Variants in PTPN14 observed in about 807,000 individuals in gnomAD.
The protein encoded by PTPN14 is tyrosine-protein phosphatase non-receptor type 14.
PTPN14 carries 53 observed loss-of-function variants against 126.8 expected under a neutral mutation model. The ratio of observed to expected loss-of-function variants is 0.42; its 90% CI spans 0.34 to 0.53. The LOEUF is 0.53. PTPN14 is among the 20% of genes least tolerant of loss of function. The probability of loss-of-function intolerance (pLI) is 0.08; values close to 1 mark genes in which losing one functional copy is unlikely to be tolerated. For missense variants in PTPN14, 1,257 were observed against 1,552.9 expected (o/e 0.81, Z 3.20); for synonymous variants, 630 against 599.3 (o/e 1.05, Z -0.75).
Position 214,449,973 on chromosome 1 carries a change from T to C in PTPN14, c.344+1832A>G, listed in dbSNP as rs577638997. On this transcript the variant is annotated intron_variant, in intron 3 of 18. Coordinates refer to ENST00000366956, the MANE Select transcript of PTPN14 (RefSeq NM_005401.5). Reference sequence around the variant, plus strand: ...CAGCGAGACTTCATCTCTACAAAATTAGAAGAAAATTTAGCCAGGCTTGGT... The same window carrying C: ...CAGCGAGACTTCATCTCTACAAAATCAGAAGAAAATTTAGCCAGGCTTGGT... 2.6e-5 allele frequency among the ~76,000 whole-genome samples: 4 copies of C among 151,084 alleles called. No individual in the cohort carries two copies. The East Asian group carries it at 7.9e-4, about 30-fold the overall frequency.
intron 3 of PTPN14, among the ~76,000 whole-genome samples, chr1:214,422,333 C>A (rs1176872816): frequency 6.6e-6 from 1 of 152,136 alleles, no homozygotes; most frequent in Non-Finnish European, 1.5e-5. Context: ...CAGTCAGGGA[C>A]CAACAGCATT....
intron 2 of PTPN14, among the ~76,000 whole-genome samples, chr1:214,464,355 T>C (rs1442027295): frequency 3.3e-5 from 5 of 152,022 alleles, no homozygotes; most frequent in Non-Finnish European, 5.9e-5. Flanking sequence ...GGAGAGTCTC[T>C]CATTTTCAAC....
At position 214,364,693 on chromosome 1, in the gene PTPN14, A is replaced by G. The variant is rs1264940566; in HGVS notation, c.3272-18T>C. The G allele has an allele frequency of 1.2e-6, 2 of 1,603,898 alleles. No homozygotes were observed. Among genetic ancestry groups the G allele is most frequent in the Non-Finnish European group, 1.7e-6 (2 of 1,175,042 alleles). ...CAAGTAGGCTGCAGGACAAAATGCAAATTCTGTCACCAAAGTCCTCCATGG... is the reference window on the plus strand; with the variant it reads ...CAAGTAGGCTGCAGGACAAAATGCAGATTCTGTCACCAAAGTCCTCCATGG... On this transcript the variant is annotated intron_variant, in intron 17 of 18. Coordinates refer to ENST00000366956, the MANE Select transcript of PTPN14 (RefSeq NM_005401.5). The surrounding 1 kb of genome is among the most constrained non-coding windows in gnomAD (Gnocchi z 4.1).
intron 1 of PTPN14, among the ~76,000 whole-genome samples, chr1:214,494,550 A>G (rs1661318941): frequency 6.6e-6 from 1 of 152,226 alleles, no homozygotes; most frequent in Non-Finnish European, 1.5e-5. Context: ...AAGTTAGCCA[A>G]CTTTAACTTT....
chr1:214,477,252 T>A (rs947699629), intron 1 of PTPN14, among the ~76,000 whole-genome samples: 3 of 152,216 alleles, frequency 2.0e-5, no homozygotes, highest in African/African-American at 7.2e-5. Flanking sequence ...GTTAAAGAGT[T>A]GTATAATCCC....
intron 16 of PTPN14, among the ~76,000 whole-genome samples, chr1:214,371,716 T>C (rs1658222738): frequency 6.6e-6 from 1 of 152,120 alleles, no homozygotes; most frequent in South Asian, 2.1e-4. Flanking sequence ...TCTAGAAGCT[T>C]TAAGGAGGAT....
chr1:214,484,365 T>C (rs945083730), intron 1 of PTPN14, among the ~76,000 whole-genome samples: 2 of 152,212 alleles, frequency 1.3e-5, no homozygotes, highest in African/African-American at 4.8e-5. Context: ...GATCCTATGA[T>C]TGCATTACTG....
chr1:214,411,067 A>G (rs115875464), intron 5 of PTPN14, among the ~76,000 whole-genome samples: 2,606 of 152,298 alleles, frequency 0.017, 80 homozygotes, highest in African/African-American at 0.059. Context: ...TGATTCTTCC[A>G]ATCCACGAAG....
intron 1 of PTPN14, among the ~76,000 whole-genome samples, chr1:214,491,847 C>T (rs1661257952): frequency 6.6e-6 from 1 of 152,150 alleles, no homozygotes; most frequent in Admixed American, 6.5e-5. Context: ...AGCAAACGTC[C>T]ACCTGCTTCC....
intron 1 of PTPN14, chr1:214,533,078 G>C: frequency 1.4e-6 from 1 of 736,902 alleles, no homozygotes; most frequent in Non-Finnish European, 2.5e-6. Flanking sequence ...GAGCTGGGAC[G>C]TACGGTCCAG....
At chr1:214,452,239 G>C (rs936089214) in intron 2 of PTPN14, among the ~76,000 whole-genome samples, 31 of 152,216 alleles carry the variant, frequency 2.0e-4, no homozygotes, top group Non-Finnish European at 4.4e-5. Context: ...TGTGAGGTAA[G>C]GGGAGTCGCG....
rs773274066 is a variant in PTPN14 at position 214,402,926 on chromosome 1, C to T, written c.538G>A (p.Glu180Lys). 8.7e-6 allele frequency: 14 copies of T among 1,613,832 alleles called. No individual in the cohort carries two copies. Among genetic ancestry groups the T allele is most frequent in the Non-Finnish European group, 1.2e-5 (14 of 1,179,964 alleles). ...MDLALEEAVL[E>K]ELTQKVAQEH... is the part of the protein sequence containing the mutation. ...TGGGCTACCTTCTGGGTCAGCTCCT[C>T]CAGAACAGCCTCTTCCAGGGCCAAA... Residue 180 changes from glutamate (E) to lysine (K), a missense_variant, in exon 6 of 19, where the codon GAG becomes AAG. Transcript: ENST00000366956.
chr1:214,473,905 G>A (rs1205519542), intron 1 of PTPN14, among the ~76,000 whole-genome samples: 1 of 152,106 alleles, frequency 6.6e-6, no homozygotes, highest in African/African-American at 2.4e-5. Flanking sequence ...ATTATTTTTA[G>A]CCAAGTAAAG....
intron 1 of PTPN14, among the ~76,000 whole-genome samples, chr1:214,545,116 T>C (rs1030309896): frequency 2.0e-5 from 3 of 152,102 alleles, no homozygotes; most frequent in Non-Finnish European, 4.4e-5. Flanking sequence ...ATCCATATCA[T>C]AAGGGGAAAA....
chr1:214,383,973 G>C lies in PTPN14; in HGVS notation c.1882C>G (p.Leu628Val), dbSNP rs1419386626. ...GTGCCGTGGTGCTTGGTGGCCGTGAGGGGCTCGCTCACCTCCTGGAGAGAC... is the reference window on the plus strand; with the variant it reads ...GTGCCGTGGTGCTTGGTGGCCGTGACGGGCTCGCTCACCTCCTGGAGAGAC... The part of the protein sequence containing the change: ...HQSLQEVSEP[L>V]TATKHHGTVN... The change falls in exon 13 of 19, where the codon CTC becomes GTC. Residue 628 changes from leucine (L) to valine (V), a missense_variant. Around this residue, in one of 3 missense-constraint regions of PTPN14, gnomAD observed 1,021 missense variants for 1,183.3 expected, o/e 0.86. Transcript: ENST00000366956. This position sits in a 1 kb window ranked among gnomAD's most constrained non-coding sequence, Gnocchi z 4.4. 20 of 1,611,570 alleles carry C rather than the reference G, an allele frequency of 1.2e-5. No homozygotes were observed. Among genetic ancestry groups the C allele is most frequent in the Non-Finnish European group, 1.7e-5 (20 of 1,180,016 alleles).
chr1:214,402,021 T>C (rs909646482), intron 6 of PTPN14, among the ~76,000 whole-genome samples: 1 of 151,966 alleles, frequency 6.6e-6, no homozygotes, highest in Admixed American at 6.5e-5. Context: ...CCTGTAAACA[T>C]GAAATCATTA....
At position 214,384,106 on chromosome 1, in the gene PTPN14, G is replaced by A. The variant is rs1338256948; in HGVS notation, c.1749C>T (p.Ala583=). The A allele has an allele frequency of 1.3e-6, 2 of 1,573,008 alleles. No individual in the cohort carries two copies. The highest frequency in any genetic ancestry group is 1.7e-6 in the Non-Finnish European group (2 of 1,162,480). ...CGCTGACGTACTTGTGGCGGTGGCT[G>A]GCCAGGTCTGGGGTGCTGGTGGCAG... ...PRPATSTPDL[A]SHRHKYVSGS... The change falls in exon 13 of 19, where the codon GCC becomes GCT. Residue 583 remains alanine, a synonymous_variant. Transcript: ENST00000366956. The surrounding 1 kb of genome is among the most constrained non-coding windows in gnomAD (Gnocchi z 5.3).
intron 3 of PTPN14, among the ~76,000 whole-genome samples, chr1:214,418,860 T>C (rs1419948152): frequency 6.6e-6 from 1 of 152,204 alleles, no homozygotes; most frequent in Non-Finnish European, 1.5e-5. Flanking sequence ...AAGACTGAGT[T>C]ATACATTTTA....
chr1:214,358,801 G>A (rs1375414469), intron 18 of PTPN14, among the ~76,000 whole-genome samples: 1 of 150,484 alleles, frequency 6.6e-6, no homozygotes, highest in African/African-American at 2.5e-5. Context: ...GGAGTGTAGT[G>A]GTGTGATCTC....
Sources: gnomAD v4.1 joint callset for allele counts (sites outside exome capture counted in the v4.1 genomes callset) on GRCh38, gnomAD v4.1.1 for gene constraint, gnomAD v4.1.1 regional missense constraint, Gnocchi (gnomAD v3.1) non-coding constraint, MANE v1.5 for transcripts, NCBI Gene and HGNC (gene_info 2026-07-23, HGNC 2026-07-21) for gene names.